Variants in TAFA2 observed in about 807,000 individuals in gnomAD.
The protein encoded by TAFA2 is TAFA chemokine like family member 2.
In TAFA2, 7 loss-of-function variants were observed where a neutral mutation model predicts 18.8. That is an observed-to-expected ratio of 0.37 (90% CI 0.21 to 0.70). The LOEUF is 0.70. Ranked by LOEUF, TAFA2 falls within the 30% of genes least tolerant of loss-of-function variation. The pLI, the probability that TAFA2 is intolerant of heterozygous loss-of-function variation, is 0.53. For missense variants in TAFA2, 122 were observed against 158.1 expected (o/e 0.77, Z 1.23); for synonymous variants, 60 against 54.2 (o/e 1.11, Z -0.47).
At chr12:62,135,916 T>C (rs1426751353) in intron 1 of TAFA2, 1 of 152,116 alleles carries the variant, frequency 6.6e-6, no homozygotes, top group Non-Finnish European at 1.5e-5. Flanking sequence ...AAGAAATGCA[T>C]GGCTTCTTCA....
chr12:61,789,483 C>G (rs1443433801), intron 2 of TAFA2, among the ~76,000 whole-genome samples: 1 of 151,670 alleles, frequency 6.6e-6, no homozygotes, highest in Non-Finnish European at 1.5e-5. Flanking sequence ...TAAGTGGGAG[C>G]TGAGCAATGA....
chr12:62,073,933 T>C (rs17713040), intron 1 of TAFA2, among the ~76,000 whole-genome samples: 2,560 of 152,288 alleles, frequency 0.017, 28 homozygotes, highest in South Asian at 0.053. Flanking sequence ...TTAAGCAAAC[T>C]AGGTGTCTTT....
chr12:61,970,307 A>T (rs2136663920), intron 1 of TAFA2, among the ~76,000 whole-genome samples: 1 of 151,780 alleles, frequency 6.6e-6, no homozygotes, highest in South Asian at 2.1e-4. Flanking sequence ...GTTAACAAGG[A>T]TCTAATTTTC....
chr12:61,729,126 G>A (rs1051846705), intron 4 of TAFA2, among the ~76,000 whole-genome samples: 1 of 151,652 alleles, frequency 6.6e-6, no homozygotes, highest in Admixed American at 6.6e-5. Flanking sequence ...AATCTGGTAA[G>A]TTACCTGATG....
chr12:61,715,647 C>A (rs1042281777), intron 4 of TAFA2, among the ~76,000 whole-genome samples: 3 of 151,886 alleles, frequency 2.0e-5, no homozygotes, highest in African/African-American at 7.3e-5. Flanking sequence ...CCACCGCGCC[C>A]AGCCAATCCC....
chr12:62,064,121 T>G (rs1455918453), intron 1 of TAFA2, among the ~76,000 whole-genome samples: 1 of 152,104 alleles, frequency 6.6e-6, no homozygotes, highest in Non-Finnish European at 1.5e-5. Context: ...TCTAAGCTGA[T>G]TTAAGGTTAA....
chr12:62,182,101 A>G (rs1565772575), intron 1 of TAFA2, among the ~76,000 whole-genome samples: 2 of 152,080 alleles, frequency 1.3e-5, no homozygotes, highest in Non-Finnish European at 2.9e-5. Flanking sequence ...TGAAATTCCA[A>G]AAATAATTTG....
intron 1 of TAFA2, among the ~76,000 whole-genome samples, chr12:61,959,602 T>C (rs1878813243): frequency 6.6e-6 from 1 of 152,068 alleles, no homozygotes; most frequent in African/African-American, 2.4e-5. Flanking sequence ...AGCAAAGAAG[T>C]AGAGCAACAA....
chr12:62,056,794 C>T (rs78315049), intron 1 of TAFA2, among the ~76,000 whole-genome samples: 1 of 152,342 alleles, frequency 6.6e-6, no homozygotes, highest in African/African-American at 2.4e-5. Flanking sequence ...CTACTGCATT[C>T]ACTAGGAGGA....
intron 2 of TAFA2, among the ~76,000 whole-genome samples, chr12:61,853,438 G>C (rs1247934580): frequency 6.6e-6 from 1 of 151,696 alleles, no homozygotes; most frequent in African/African-American, 2.4e-5. Context: ...AACACTATTA[G>C]TGTTTTAATT....
At chr12:62,019,906 T>C (rs1881072589) in intron 1 of TAFA2, among the ~76,000 whole-genome samples, 1 of 152,200 alleles carries the variant, frequency 6.6e-6, no homozygotes, top group African/African-American at 2.4e-5. Context: ...GTTTCCAATT[T>C]AATTATTTTC....
At chr12:62,029,535 A>G (rs939995165) in intron 1 of TAFA2, among the ~76,000 whole-genome samples, 2 of 152,106 alleles carry the variant, frequency 1.3e-5, no homozygotes, top group Non-Finnish European at 2.9e-5. Flanking sequence ...AGGAACTTAA[A>G]CTGATGTGAT....
intron 1 of TAFA2, chr12:62,207,153 T>A (rs1353110932): frequency 6.6e-6 from 1 of 152,232 alleles, no homozygotes; most frequent in Non-Finnish European, 1.5e-5. Flanking sequence ...CTTATCCCAT[T>A]GTGTTATAAT....
intron 1 of TAFA2, among the ~76,000 whole-genome samples, chr12:61,980,368 A>C (rs527955130): frequency 4.6e-4 from 70 of 152,282 alleles, no homozygotes; most frequent in African/African-American, 1.7e-3. Flanking sequence ...ATGGACAAAA[A>C]CTGGAAGTAT....
chr12:62,242,415 A>G (rs779387318), intron 1 of TAFA2: 2 of 152,096 alleles, frequency 1.3e-5, no homozygotes, highest in South Asian at 4.1e-4. Flanking sequence ...CATAGCCATA[A>G]GATGCAGACA....
chr12:62,110,129 C>T (rs1869655631), intron 1 of TAFA2, among the ~76,000 whole-genome samples: 1 of 152,110 alleles, frequency 6.6e-6, no homozygotes, highest in African/African-American at 2.4e-5. Context: ...ATAAATAGCT[C>T]TTATTATTTT....
intron 1 of TAFA2, among the ~76,000 whole-genome samples, chr12:62,205,934 C>T (rs2062689719): frequency 6.6e-6 from 1 of 152,154 alleles, no homozygotes. Context: ...GGTGGGGTAG[C>T]ACAATCACTC....
At chr12:62,111,728 T>C (rs539705335) in intron 1 of TAFA2, among the ~76,000 whole-genome samples, 51 of 152,354 alleles carry the variant, frequency 3.3e-4, no homozygotes, top group Non-Finnish European at 6.5e-4. Flanking sequence ...ATTGATCCCT[T>C]TACCAATGTA....
chr12:62,017,690 G>A (rs545695871), intron 1 of TAFA2, among the ~76,000 whole-genome samples: 1 of 152,148 alleles, frequency 6.6e-6, no homozygotes, highest in African/African-American at 2.4e-5. Context: ...TAAATACCAG[G>A]TTATCTCACT....
Sources: gnomAD v4.1 joint callset for allele counts (sites outside exome capture counted in the v4.1 genomes callset) on GRCh38, gnomAD v4.1.1 for gene constraint, MANE v1.5 for transcripts, NCBI Gene and HGNC (gene_info 2026-07-23, HGNC 2026-07-21) for gene names.